ST7: variants seen among roughly 807,000 people sequenced by gnomAD.
The protein encoded by ST7 is suppression of tumorigenicity 7.
In ST7, 28 loss-of-function variants were observed where a neutral mutation model predicts 78.7. The ratio of observed to expected loss-of-function variants is 0.36; its 90% CI spans 0.26 to 0.49. The LOEUF (loss-of-function observed/expected upper bound fraction) is 0.49. Ranked by LOEUF, ST7 falls within the 20% of genes least tolerant of loss-of-function variation. The pLI is 0.99. For synonymous variants in ST7, 247 were observed against 249.6 expected (o/e 0.99, Z 0.10); for missense variants, 418 against 696.0 (o/e 0.60, Z 4.49).
chr7:116,994,625 C>G (rs1226718028), intron 1 of ST7, among the ~76,000 whole-genome samples: 1 of 151,972 alleles, frequency 6.6e-6, no homozygotes, highest in African/African-American at 2.4e-5. Context: ...CCAATGGACG[C>G]AATGTTTTTA....
At chr7:117,225,238 A>G (rs551814221) in intron 15 of ST7, among the ~76,000 whole-genome samples, 1 of 152,130 alleles carries the variant, frequency 6.6e-6, no homozygotes, top group African/African-American at 2.4e-5. Context: ...GCCTCATTTC[A>G]TGTTTTCAAA....
rs73211950 is a variant in ST7 at position 117,229,929 on chromosome 7, G to T, written c.*72G>T. On this transcript the variant is annotated 3_prime_UTR_variant, in exon 16 of 16. Transcript: ENST00000323984. ...CCTCTGTGCCAACTCCTTGTGGACC[G>T]CAAGAAAGCATGACTTTGAAAAAGG... 7.1e-6 allele frequency: 9 copies of T among 1,265,820 alleles called. No homozygotes were observed. In the African/African-American group the frequency reaches 7.4e-5, roughly 10 times the overall value. The allele number at this position is 1,265,820 out of a possible 1,614,324, so 78.4% of individuals were successfully genotyped here. A position where few individuals can be genotyped will look rare whatever the true frequency, so the allele number is the denominator to read the frequency against.
chr7:117,138,750 GAAC>G (rs770634485), intron 9 of ST7, among the ~76,000 whole-genome samples: 5 of 152,152 alleles, frequency 3.3e-5, no homozygotes, highest in South Asian at 2.1e-4. Flanking sequence ...TCTAAAATGG[GAAC>G]AACAATAACA....
chr7:117,136,426 C>T (rs1156662673), intron 8 of ST7, 191 bp downstream of exon 8: 2 of 655,032 alleles, frequency 3.1e-6, no homozygotes, highest in Non-Finnish European at 5.2e-6. Context: ...AGCTTCATTG[C>T]TGTTTATATT....
At chr7:117,086,331 A>G (rs191899468) in intron 1 of ST7, among the ~76,000 whole-genome samples, 88 of 152,276 alleles carry the variant, frequency 5.8e-4, no homozygotes, top group Non-Finnish European at 1.0e-3. Context: ...AGGTTGACTG[A>G]CTCATTCAAA....
intron 1 of ST7, among the ~76,000 whole-genome samples, chr7:117,017,710 A>ATTGT (rs1795683119): frequency 1.3e-5 from 2 of 152,258 alleles, no homozygotes; most frequent in African/African-American, 4.8e-5. Flanking sequence ...TCTTTAGACA[A>ATTGT]CATATTAAAC....
chr7:117,036,718 A>G (rs1796916801), intron 1 of ST7, among the ~76,000 whole-genome samples: 1 of 152,266 alleles, frequency 6.6e-6, no homozygotes, highest in South Asian at 2.1e-4. Context: ...GATATATCAT[A>G]TACATATGGT....
At chr7:117,170,145 C>T (rs544993040) in intron 9 of ST7, among the ~76,000 whole-genome samples, 15 of 152,238 alleles carry the variant, frequency 9.9e-5, no homozygotes, top group Non-Finnish European at 1.5e-4. Context: ...GCAAAGTTAC[C>T]GGTGACCTAA....
intron 2 of ST7, among the ~76,000 whole-genome samples, chr7:117,115,286 C>T (rs1378716182): frequency 6.6e-6 from 1 of 152,040 alleles, no homozygotes; most frequent in African/African-American, 2.4e-5. Flanking sequence ...AATAGAATGT[C>T]TCCCCCTATT....
At chr7:117,201,611 T>C (rs1340545887) in intron 12 of ST7, among the ~76,000 whole-genome samples, 2 of 151,654 alleles carry the variant, frequency 1.3e-5, no homozygotes, top group Non-Finnish European at 2.9e-5. Flanking sequence ...CAGGCTGGAA[T>C]GCAGTGGTGC....
intron 6 of ST7, among the ~76,000 whole-genome samples, chr7:117,133,855 G>A (rs950715922): frequency 6.6e-5 from 10 of 151,756 alleles, no homozygotes; most frequent in Admixed American, 3.9e-4. Flanking sequence ...CTGTGAAGCC[G>A]TGTTGGTTAC....
At chr7:117,106,249 C>T (rs1048636588) in intron 2 of ST7, among the ~76,000 whole-genome samples, 3 of 152,040 alleles carry the variant, frequency 2.0e-5, no homozygotes, top group South Asian at 2.1e-4. Flanking sequence ...CCACCCGCCT[C>T]GGCCTCCCAA....
chr7:116,991,060 T>C (rs1794405216), intron 1 of ST7, among the ~76,000 whole-genome samples: 1 of 152,220 alleles, frequency 6.6e-6, no homozygotes. Context: ...CAAAGGTTTG[T>C]TCGTTCTCGT....
intron 10 of ST7, among the ~76,000 whole-genome samples, chr7:117,182,228 A>G (rs1283597411): frequency 6.6e-6 from 1 of 152,222 alleles, no homozygotes; most frequent in Non-Finnish European, 1.5e-5. Context: ...CAGGGCTAAC[A>G]GTCCTACCTC....
chr7:117,013,720 C>T (rs1269451846), intron 1 of ST7, among the ~76,000 whole-genome samples: 1 of 152,098 alleles, frequency 6.6e-6, no homozygotes, highest in Non-Finnish European at 1.5e-5. Context: ...CCCAGCTACT[C>T]TATTCAGGAG....
At chr7:117,032,861 GCTGA>G (rs1427620826) in intron 1 of ST7, among the ~76,000 whole-genome samples, 1 of 152,166 alleles carries the variant, frequency 6.6e-6, no homozygotes, top group Admixed American at 6.6e-5. Context: ...ATTCATCTAT[GCTGA>G]CTTTCTCACC....
At chr7:117,182,545 G>T (rs925013999) in intron 10 of ST7, 5 of 152,078 alleles carry the variant, frequency 3.3e-5, no homozygotes, top group Admixed American at 3.3e-4. Context: ...AATGTTCATG[G>T]CTTACATAAA....
At chr7:117,098,697 G>A in intron 1 of ST7, 1 of 1,076,572 alleles carries the variant, frequency 9.3e-7, no homozygotes, top group Non-Finnish European at 1.2e-6. Context: ...GCTCAGGACA[G>A]ATGCCAAAGC....
chr7:117,122,784 C>G (rs1803508033), intron 3 of ST7, among the ~76,000 whole-genome samples: 2 of 152,146 alleles, frequency 1.3e-5, no homozygotes, highest in South Asian at 4.1e-4. Flanking sequence ...GTGCCAGATA[C>G]CACTGGAATA....
Sources: allele counts gnomAD v4.1 joint callset (sites outside exome capture counted in the v4.1 genomes callset), GRCh38; gene constraint gnomAD v4.1.1; transcripts MANE v1.5; gene names NCBI Gene and HGNC (gene_info 2026-07-23, HGNC 2026-07-21).